Variants in KPNA6 observed in about 807,000 individuals in gnomAD.
KPNA6 encodes karyopherin subunit alpha 6.
In KPNA6, 9 loss-of-function variants were observed where a neutral mutation model predicts 72.0. The observed-to-expected ratio is 0.13, with a 90% confidence interval of 0.08 to 0.22. The LOEUF (loss-of-function observed/expected upper bound fraction) is 0.22, where lower values mean the gene tolerates loss of function less well. Among genes scored for constraint, KPNA6 ranks in the 10% least tolerant of loss-of-function variants. The pLI, the probability that KPNA6 is intolerant of heterozygous loss-of-function variation, is 1.00. For synonymous variants in KPNA6, 219 were observed against 242.1 expected (o/e 0.90, Z 0.89); for missense variants, 374 against 655.7 (o/e 0.57, Z 4.69).
At chr1:32,133,981 G>T (rs1431862571) in intron 1 of KPNA6, among the ~76,000 whole-genome samples, 5 of 151,928 alleles carry the variant, frequency 3.3e-5, no homozygotes, top group Non-Finnish European at 2.9e-5. Flanking sequence ...GGTGGCTCAT[G>T]CCTGTAATCC....
chr1:32,135,025 C>G (rs922286073), intron 1 of KPNA6, among the ~76,000 whole-genome samples: 7 of 151,800 alleles, frequency 4.6e-5, no homozygotes, highest in Non-Finnish European at 7.4e-5. Flanking sequence ...CCTGCCTCAG[C>G]CTCCTGAGTA....
intron 12 of KPNA6, among the ~76,000 whole-genome samples, chr1:32,168,218 AAGAAGCGAAT>A (rs1307699775): frequency 6.6e-6 from 1 of 152,196 alleles, no homozygotes; most frequent in African/African-American, 2.4e-5. Flanking sequence ...TGAGACTTGA[AAGAAGCGAAT>A]AGAAAGCTAT....
At position 32,175,146 on chromosome 1, in the gene KPNA6, T is replaced by G. The variant is rs971340539; in HGVS notation, c.*4252T>G. 3 of 152,228 alleles carry G rather than the reference T, an allele frequency of 2.0e-5. No individual in the cohort carries two copies. Among genetic ancestry groups the G allele is most frequent in the African/African-American group, 7.2e-5 (3 of 41,456 alleles). 9.4% of individuals were successfully genotyped at this position (152,228 alleles called of 1,614,324 possible). A position where few individuals can be genotyped will look rare whatever the true frequency, so the allele number is the denominator to read the frequency against. On this transcript the variant is annotated 3_prime_UTR_variant, in exon 14 of 14. Coordinates refer to ENST00000373625, the MANE Select transcript of KPNA6 (RefSeq NM_012316.5). The stretch of plus-strand genomic sequence containing the variant: ...GGTCAAGACCAACCAAATCTGTGAA[T>G]TAAAGCTGTTATTTTTTTCTCTGCA...
At chr1:32,143,088 A>G in intron 1 of KPNA6, 1 of 980,816 alleles carries the variant, frequency 1.0e-6, no homozygotes, top group Non-Finnish European at 1.4e-6. Flanking sequence ...TGTTAGTCTC[A>G]CAGGGATAAT....
intron 12 of KPNA6, among the ~76,000 whole-genome samples, chr1:32,168,438 C>T (rs1304951565): frequency 6.6e-6 from 1 of 152,206 alleles, no homozygotes; most frequent in African/African-American, 2.4e-5. Flanking sequence ...GATCCTCCCA[C>T]CTTGGCCTCC....
chr1:32,119,026 A>ATTTTTTTTTT (rs1221375496), intron 1 of KPNA6, among the ~76,000 whole-genome samples: 1 of 69,414 alleles, frequency 1.4e-5, no homozygotes, highest in African/African-American at 8.5e-5. Context: ...ATATATATAT[A>ATTTTTTTTTT]TATATATTTT....
intron 10 of KPNA6, among the ~76,000 whole-genome samples, chr1:32,164,004 A>G (rs1570069669): frequency 1.3e-5 from 2 of 152,206 alleles, no homozygotes; most frequent in African/African-American, 4.8e-5. Flanking sequence ...CTAGCCAGCT[A>G]CAGAAATTTT....
chr1:32,157,549 C>T, intron 4 of KPNA6, 104 bp downstream of exon 4: 2 of 765,130 alleles, frequency 2.6e-6, no homozygotes, highest in South Asian at 1.6e-5. Flanking sequence ...CTGCTCTAGC[C>T]CTACTGACCT....
chr1:32,147,877 C>G (rs1641958607), intron 1 of KPNA6, among the ~76,000 whole-genome samples: 1 of 151,796 alleles, frequency 6.6e-6, no homozygotes, highest in Non-Finnish European at 1.5e-5. Context: ...CCAGGCTGTT[C>G]TTGAACTCTT....
At chr1:32,147,667 TTTTTTTTTTTG>T in intron 1 of KPNA6, among the ~76,000 whole-genome samples, 1 of 141,312 alleles carries the variant, frequency 7.1e-6, no homozygotes, top group Admixed American at 7.1e-5. Flanking sequence ...TTTTTTTTTT[TTTTTTTTTTTG>T]AGACAGGGTC....
At chr1:32,109,335 G>T (rs556394509) in intron 1 of KPNA6, among the ~76,000 whole-genome samples, 1 of 151,188 alleles carries the variant, frequency 6.6e-6, no homozygotes, top group African/African-American at 2.4e-5. Flanking sequence ...ACGCCCGGCT[G>T]ATTTTTGTGT....
chr1:32,157,002 G>T, intron 3 of KPNA6, 57 bp downstream of exon 3: 1 of 1,300,470 alleles, frequency 7.7e-7, no homozygotes. Flanking sequence ...TCTAAGGACA[G>T]AAATTGGGCC....
intron 12 of KPNA6, among the ~76,000 whole-genome samples, chr1:32,169,590 G>A (rs1642399120): frequency 6.6e-6 from 1 of 150,396 alleles, no homozygotes; most frequent in Admixed American, 6.6e-5. Context: ...GGGACTACAG[G>A]TGCCCGCCAC....
At chr1:32,114,671 C>A in intron 1 of KPNA6, among the ~76,000 whole-genome samples, 1 of 152,118 alleles carries the variant, frequency 6.6e-6, no homozygotes, top group Non-Finnish European at 1.5e-5. Flanking sequence ...AGCTTTGAAG[C>A]CAGGCATTGA....
chr1:32,162,274 G>C, intron 8 of KPNA6, 87 bp from the exon 9 acceptor site: 4 of 1,247,010 alleles, frequency 3.2e-6, no homozygotes, highest in Non-Finnish European at 4.5e-6. Flanking sequence ...TGTGTATTGT[G>C]GGGGCGGTGG....
chr1:32,108,203 G>T, intron 1 of KPNA6, 69 bp downstream of exon 1: 1 of 1,604,240 alleles, frequency 6.2e-7, no homozygotes, highest in Non-Finnish European at 8.5e-7. Flanking sequence ...TTTGGCGAGA[G>T]CCTGTCTCCG....
At position 32,171,200 on chromosome 1, in the gene KPNA6, G is replaced by T. The variant is rs1642430975; in HGVS notation, c.*306G>T. 3.1e-6 allele frequency: 1 copy of T among 322,794 alleles called. No individual in the cohort carries two copies. Among genetic ancestry groups the T allele is most frequent in the African/African-American group, 2.1e-5 (1 of 47,474 alleles). 20.0% of individuals were successfully genotyped at this position (322,794 alleles called of 1,614,324 possible). On this transcript the variant is annotated 3_prime_UTR_variant, in exon 14 of 14. Transcript: ENST00000373625. ...AGGAGCCCAGGGGTAGACAAAGGAG[G>T]ACTAAGGTAATCAATTTGCACCTTT...
chr1:32,161,438 A>G (rs1331694034), intron 7 of KPNA6, among the ~76,000 whole-genome samples: 1 of 152,208 alleles, frequency 6.6e-6, no homozygotes, highest in African/African-American at 2.4e-5. Flanking sequence ...GTACCCTTAG[A>G]GTAAACTATG....
chr1:32,117,052 C>G (rs887135858), intron 1 of KPNA6, among the ~76,000 whole-genome samples: 1 of 151,992 alleles, frequency 6.6e-6, no homozygotes, highest in Non-Finnish European at 1.5e-5. Flanking sequence ...AAACAAAAAA[C>G]AAAAGTTTGA....
Sources: gnomAD v4.1 joint callset for allele counts (sites outside exome capture counted in the v4.1 genomes callset) on GRCh38, gnomAD v4.1.1 for gene constraint, MANE v1.5 for transcripts, NCBI Gene and HGNC (gene_info 2026-07-23, HGNC 2026-07-21) for gene names.